The following MEF2A variants were observed in gnomAD, a reference collection of about 807,000 sequenced individuals.
The protein encoded by MEF2A is myocyte-specific enhancer factor 2A.
A neutral mutation model predicts 55.8 loss-of-function variants in MEF2A; 28 were observed. The ratio of observed to expected loss-of-function variants is 0.50; its 90% CI spans 0.37 to 0.69. MEF2A has a LOEUF of 0.69. Ranked by LOEUF, MEF2A falls within the 30% of genes least tolerant of loss-of-function variation. The pLI is 0.00. For missense variants in MEF2A, 528 were observed against 626.2 expected, an observed-to-expected ratio of 0.84 and a Z score of 1.67; for synonymous variants, 239 against 227.1, an observed-to-expected ratio of 1.05 and a Z score of -0.47.
At chr15:99,695,495 T>C (rs1407747100) in intron 8 of MEF2A, among the ~76,000 whole-genome samples, 1 of 151,010 alleles carries the variant, frequency 6.6e-6, no homozygotes, top group Non-Finnish European at 1.5e-5. Flanking sequence ...ATATAAGTAA[T>C]CACATTGAAT....
intron 5 of MEF2A, among the ~76,000 whole-genome samples, chr15:99,673,812 T>C (rs1274488695): frequency 6.6e-6 from 1 of 152,170 alleles, no homozygotes. Flanking sequence ...ATTAGATTTC[T>C]TTGCATTTTC....
At chr15:99,711,423 C>T (rs1313411507) in intron 11 of MEF2A, among the ~76,000 whole-genome samples, 2 of 152,204 alleles carry the variant, frequency 1.3e-5, no homozygotes, top group African/African-American at 4.8e-5. Flanking sequence ...AGAGGATTTA[C>T]AGTGGCGCCC....
intron 2 of MEF2A, among the ~76,000 whole-genome samples, chr15:99,620,043 G>A (rs2040870323): frequency 6.6e-6 from 1 of 152,160 alleles, no homozygotes; most frequent in Non-Finnish European, 1.5e-5. Flanking sequence ...TTCTTGTTTT[G>A]TAGTAACTTT....
chr15:99,610,806 A>G (rs1457059750), intron 2 of MEF2A, among the ~76,000 whole-genome samples: 1 of 152,250 alleles, frequency 6.6e-6, no homozygotes, highest in Non-Finnish European at 1.5e-5. Flanking sequence ...TGTAAGAGCT[A>G]AAACTATATA....
intron 1 of MEF2A, among the ~76,000 whole-genome samples, chr15:99,569,541 G>T (rs1425911372): frequency 1.3e-5 from 2 of 152,138 alleles, no homozygotes. Context: ...ACCATAGTTT[G>T]TTTCTAATCT....
chr15:99,603,263 T>C (rs1048686674), intron 2 of MEF2A, among the ~76,000 whole-genome samples: 1 of 152,216 alleles, frequency 6.6e-6, no homozygotes, highest in Non-Finnish European at 1.5e-5. Context: ...TCTTACAGGT[T>C]TCTAATTTAA....
chr15:99,686,226 A>C (rs2054183153), intron 7 of MEF2A, among the ~76,000 whole-genome samples: 1 of 152,180 alleles, frequency 6.6e-6, no homozygotes, highest in Non-Finnish European at 1.5e-5. Context: ...ATTTATATTC[A>C]ACGTTAATAT....
At chr15:99,589,097 G>T (rs1006564090) in intron 1 of MEF2A, among the ~76,000 whole-genome samples, 4 of 152,148 alleles carry the variant, frequency 2.6e-5, no homozygotes, top group African/African-American at 9.7e-5. Flanking sequence ...TAGAAAGTGT[G>T]TCCTCTCCTT....
chr15:99,698,465 A>G (rs1015043538), intron 8 of MEF2A, among the ~76,000 whole-genome samples: 1 of 152,210 alleles, frequency 6.6e-6, no homozygotes, highest in African/African-American at 2.4e-5. Flanking sequence ...CTAATGAGAT[A>G]TAACTGCACA....
intron 4 of MEF2A, among the ~76,000 whole-genome samples, chr15:99,655,772 T>C (rs1032545610): frequency 1.3e-5 from 2 of 152,066 alleles, no homozygotes; most frequent in Non-Finnish European, 1.5e-5. Flanking sequence ...AAAATTGATT[T>C]ATAGAAAATT....
chr15:99,689,329 G>C (rs1255786340), intron 7 of MEF2A, among the ~76,000 whole-genome samples: 1 of 152,226 alleles, frequency 6.6e-6, no homozygotes, highest in African/African-American at 2.4e-5. Flanking sequence ...TTAAGAAGCT[G>C]CTCTGATACC....
intron 3 of MEF2A, among the ~76,000 whole-genome samples, chr15:99,644,273 A>T (rs1223943612): frequency 6.6e-6 from 1 of 152,210 alleles, no homozygotes; most frequent in Non-Finnish European, 1.5e-5. Context: ...GAGAAAACAG[A>T]TACTCTGCTT....
chr15:99,698,485 A>T (rs1567478088), intron 8 of MEF2A, among the ~76,000 whole-genome samples: 1 of 152,198 alleles, frequency 6.6e-6, no homozygotes, highest in Non-Finnish European at 1.5e-5. Flanking sequence ...ATCTAGTAAA[A>T]TGGCTAAAAT....
At chr15:99,703,448 G>C (rs988557818) in intron 9 of MEF2A, 63 bp downstream of exon 9, 3 of 1,524,870 alleles carry the variant, frequency 2.0e-6, no homozygotes, top group East Asian at 4.6e-5. Flanking sequence ...ATTCTCTTAC[G>C]TGTTGTTATC....
At chr15:99,629,567 CT>C (rs2153383431) in intron 2 of MEF2A, among the ~76,000 whole-genome samples, 1 of 152,204 alleles carries the variant, frequency 6.6e-6, no homozygotes, top group East Asian at 1.9e-4. Flanking sequence ...AGTTAGTCCT[CT>C]TTCCAAATAA....
intron 2 of MEF2A, among the ~76,000 whole-genome samples, chr15:99,602,458 C>T (rs1314007906): frequency 6.6e-6 from 1 of 152,074 alleles, no homozygotes; most frequent in African/African-American, 2.4e-5. Context: ...ACCATTTTGC[C>T]TCTTAATGCG....
chr15:99,671,364 T>A lies in MEF2A; in HGVS notation c.300T>A (p.Asp100Glu). The change falls in exon 5 of 12, where the codon GAT becomes GAA. Residue 100 changes from aspartate (D) to glutamate (E), a missense_variant. Asp to Glu is a conservative substitution (Grantham distance 45, BLOSUM62 2). This residue lies in a region of MEF2A where 78 missense variants were observed against 150.9 expected (regional missense o/e 0.52). Coordinates refer to ENST00000557942, the MANE Select transcript of MEF2A (RefSeq NM_001319206.4). ...KKGLNGCESPDADDYFEHSPL... is the reference protein window; with the variant it reads ...KKGLNGCESPEADDYFEHSPL... ...GCCTTAATGGTTGTGAGAGCCCTGA[T>A]GCTGACGATTACTTTGAGCACAGTC... is the stretch of plus-strand genomic sequence containing the variant. 6.2e-7 allele frequency: 1 copy of A among 1,613,628 alleles called. No individual in the cohort carries two copies. Among genetic ancestry groups the A allele is most frequent in the South Asian group, 1.1e-5 (1 of 91,060 alleles).
chr15:99,567,961 G>C (rs1465261612), intron 1 of MEF2A, among the ~76,000 whole-genome samples: 1 of 152,178 alleles, frequency 6.6e-6, no homozygotes, highest in East Asian at 1.9e-4. Flanking sequence ...TTGAATGTTT[G>C]TAGACTCTAG....
intron 2 of MEF2A, among the ~76,000 whole-genome samples, chr15:99,602,195 A>G (rs907806778): frequency 1.3e-5 from 2 of 152,144 alleles, no homozygotes; most frequent in African/African-American, 4.8e-5. Context: ...AAGAGGGCCA[A>G]GTGGGCAGCG....
Sources: allele counts gnomAD v4.1 joint callset (sites outside exome capture counted in the v4.1 genomes callset), GRCh38; gene constraint gnomAD v4.1.1; regional missense constraint gnomAD v4.1.1; transcripts MANE v1.5; gene names NCBI Gene and HGNC (gene_info 2026-07-23, HGNC 2026-07-21).